PPM1A: variants seen among roughly 807,000 people sequenced by gnomAD.
PPM1A encodes protein phosphatase 1A.
PPM1A carries 7 observed loss-of-function variants against 35.0 expected under a neutral mutation model. That is an observed-to-expected ratio of 0.20 (90% CI 0.11 to 0.38). PPM1A has a LOEUF of 0.38. Among genes scored for constraint, PPM1A ranks in the 10% least tolerant of loss-of-function variants. PPM1A has a pLI of 1.00. For missense variants in PPM1A, 239 were observed against 467.8 expected, an observed-to-expected ratio of 0.51 and a Z score of 4.51; for synonymous variants, 153 against 167.3, an observed-to-expected ratio of 0.91 and a Z score of 0.66.
intron 1 of PPM1A, among the ~76,000 whole-genome samples, chr14:60,259,923 A>G (rs1468947740): frequency 6.6e-6 from 1 of 152,082 alleles, no homozygotes; most frequent in Admixed American, 6.5e-5. Context: ...CTTATGGATT[A>G]TGTACTTCAG....
At chr14:60,261,355 T>C (rs1883723171) in intron 1 of PPM1A, among the ~76,000 whole-genome samples, 1 of 152,210 alleles carries the variant, frequency 6.6e-6, no homozygotes, top group Admixed American at 6.5e-5. Flanking sequence ...AAAGATGTTA[T>C]AAAACATAGG....
At chr14:60,288,194 C>T (rs1237902538) in intron 3 of PPM1A, 18 of 984,048 alleles carry the variant, frequency 1.8e-5, no homozygotes, top group East Asian at 1.1e-4. Flanking sequence ...TATTTTTTTA[C>T]AAGAATTTGT....
At chr14:60,262,781 T>C (rs981088890) in intron 1 of PPM1A, among the ~76,000 whole-genome samples, 3 of 152,210 alleles carry the variant, frequency 2.0e-5, no homozygotes, top group African/African-American at 7.2e-5. Context: ...ATAGAAAATA[T>C]GAGAACAGAA....
At chr14:60,268,435 G>T (rs987420928) in intron 1 of PPM1A, 1 of 957,388 alleles carries the variant, frequency 1.0e-6, no homozygotes, top group African/African-American at 1.8e-5. Flanking sequence ...CTATTTGTGA[G>T]GTGAGTATAG....
At chr14:60,276,253 A>G (rs997450831) in intron 1 of PPM1A, among the ~76,000 whole-genome samples, 1 of 152,306 alleles carries the variant, frequency 6.6e-6, no homozygotes, top group East Asian at 1.9e-4. Flanking sequence ...GAATATTGCC[A>G]TATTATCCAC....
At position 60,285,692 on chromosome 14, in the gene PPM1A, A is replaced by G. The variant is rs776727543; in HGVS notation, c.903A>G (p.Ala301=). ...FPNAPKVSPE[A]VKKEAELDKY... Reference sequence around the variant, plus strand: ...ATGCACCCAAAGTATCGCCAGAAGCAGTGAAGAAGGAGGCAGAGTTGGACA... The same window carrying G: ...ATGCACCCAAAGTATCGCCAGAAGCGGTGAAGAAGGAGGCAGAGTTGGACA... The change falls in exon 3 of 6, where the codon GCA becomes GCG. Residue 301 remains alanine, a synonymous_variant. Coordinates refer to ENST00000395076, the MANE Select transcript of PPM1A (RefSeq NM_021003.5). The G allele has an allele frequency of 6.2e-7, 1 of 1,614,146 alleles. No homozygotes were observed. Among genetic ancestry groups the G allele is most frequent in the South Asian group, 1.1e-5 (1 of 91,066 alleles).
At chr14:60,251,344 AAT>A (rs1882393254) in intron 1 of PPM1A, among the ~76,000 whole-genome samples, 1 of 152,258 alleles carries the variant, frequency 6.6e-6, no homozygotes, top group African/African-American at 2.4e-5. Context: ...TTTGAGAAAT[AAT>A]AGTCATCAAA....
intron 3 of PPM1A, chr14:60,286,170 A>G (rs773523633): frequency 1.5e-5 from 15 of 985,602 alleles, no homozygotes; most frequent in African/African-American, 1.0e-4. Flanking sequence ...CCTTTTTTCA[A>G]TAACTTGAAA....
chr14:60,248,247 C>T (rs1355395246), upstream of PPM1A, among the ~76,000 whole-genome samples: 1 of 152,204 alleles, frequency 6.6e-6, no homozygotes, highest in African/African-American at 2.4e-5. Context: ...AACTTTAGCT[C>T]ATCTCTACCT....
intron 1 of PPM1A, among the ~76,000 whole-genome samples, chr14:60,265,894 G>T (rs539227118): frequency 1.3e-5 from 2 of 152,166 alleles, no homozygotes; most frequent in African/African-American, 2.4e-5. Flanking sequence ...GGACTCACTG[G>T]TTATTACTGT....
At position 60,249,254 on chromosome 14, in the gene PPM1A, G is replaced by A. The variant is rs1276659887; in HGVS notation, c.-444G>A. 3 of 987,200 alleles carry A rather than the reference G, an allele frequency of 3.0e-6. No individual in the cohort carries two copies. Among genetic ancestry groups the A allele is most frequent in the Non-Finnish European group, 3.6e-6 (3 of 831,660 alleles). The allele number at this position is 987,200 out of a possible 1,614,324, so 61.2% of individuals were successfully genotyped here. A position where few individuals can be genotyped will look rare whatever the true frequency, so the allele number is the denominator to read the frequency against. ...CGGCGGCGGCGGTGGCGGCGCTAGG[G>A]ACGGGAGCGCGCGCGGGAGCTAGAG... is the stretch of plus-strand genomic sequence containing the variant. On this transcript the variant is annotated 5_prime_UTR_variant, in exon 1 of 6. Transcript: ENST00000395076. The surrounding 1 kb of genome is among the most constrained non-coding windows in gnomAD (Gnocchi z 4.5).
At chr14:60,276,436 T>A (rs191940685) in intron 1 of PPM1A, among the ~76,000 whole-genome samples, 123 of 152,312 alleles carry the variant, frequency 8.1e-4, no homozygotes, top group Middle Eastern at 3.4e-3. Flanking sequence ...AAACCTATTA[T>A]CTCAGTGGTC....
Position 60,288,806 on chromosome 14 carries a change from T to C in PPM1A, c.953-1000T>C, listed in dbSNP as rs78405406. ...GATTTCTTGCCCCACTAATGACAAA[T>C]AAAATACCATTTCTTACCATAAACA... On this transcript the variant is annotated intron_variant, in intron 3 of 5. Transcript: ENST00000395076. Among the ~76,000 whole-genome samples the C allele has an allele frequency of 1.9e-3, 290 of 152,154 alleles. 1 individual carries two copies. Among genetic ancestry groups the C allele is most frequent in the African/African-American group, 6.6e-3 (273 of 41,550 alleles).
chr14:60,254,822 A>G (rs1235298166), intron 1 of PPM1A, among the ~76,000 whole-genome samples: 1 of 152,158 alleles, frequency 6.6e-6, no homozygotes, highest in African/African-American at 2.4e-5. Context: ...TTCTCTCAGT[A>G]TACTTCAGTG....
At chr14:60,279,121 C>G (rs986626336) in intron 1 of PPM1A, among the ~76,000 whole-genome samples, 1 of 152,106 alleles carries the variant, frequency 6.6e-6, no homozygotes, top group East Asian at 1.9e-4. Context: ...CTATTTTGTT[C>G]TGTTTTGTTT....
chr14:60,295,640 T>C lies in PPM1A; in HGVS notation c.*3158T>C, dbSNP rs1888000289. 1 of 151,698 alleles carries C rather than the reference T, an allele frequency of 6.6e-6. No homozygotes were observed. The highest frequency in any genetic ancestry group is 2.4e-5 in the African/African-American group (1 of 41,396). The allele number at this position is 151,698 out of a possible 1,614,324, so 9.4% of individuals were successfully genotyped here. On this transcript the variant is annotated 3_prime_UTR_variant, in exon 6 of 6. Transcript: ENST00000395076. ...GTTTCGAGTATTATTGGTAAAACAC[T>C]GTTCTAGGCTAAGCACATTGGGACT...
rs899249318 is a variant in PPM1A at position 60,298,465 on chromosome 14, TAACA to T, written c.*5987_*5990del. On this transcript the variant is annotated 3_prime_UTR_variant, in exon 6 of 6. Coordinates refer to ENST00000395076, the MANE Select transcript of PPM1A (RefSeq NM_021003.5). ...TTTCTAAAATATAATAAGTACAATG[TAACA>T]AACGTATAGAATTTTGCATTTGTTG... The T allele has an allele frequency of 7.9e-5, 12 of 151,906 alleles. No individual in the cohort carries two copies. Among genetic ancestry groups the T allele is most frequent in the South Asian group, 2.1e-4 (1 of 4,830 alleles). 9.4% of individuals were successfully genotyped at this position (151,906 alleles called of 1,614,324 possible).
rs1882032261 is a variant in PPM1A, at chr14:60,249,345, G to A, written c.-353G>A. The stretch of plus-strand genomic sequence containing the variant: ...CCTCAGGCGGCTGTTGCTCCGGAAC[G>A]GGTGGTTGGGGAGGGGGGGGTGGGG... On this transcript the variant is annotated 5_prime_UTR_variant, in exon 1 of 6. Coordinates refer to ENST00000395076, the MANE Select transcript of PPM1A (RefSeq NM_021003.5). The surrounding 1 kb of genome is among the most constrained non-coding windows in gnomAD (Gnocchi z 4.5). 7 of 983,868 alleles carry A rather than the reference G, an allele frequency of 7.1e-6. No homozygotes were observed. Among genetic ancestry groups the A allele is most frequent in the African/African-American group, 1.8e-5 (1 of 56,910 alleles). 60.9% of individuals were successfully genotyped at this position (983,868 alleles called of 1,614,324 possible).
chr14:60,279,700 G>GC (rs951314132), intron 1 of PPM1A, among the ~76,000 whole-genome samples: 3 of 152,128 alleles, frequency 2.0e-5, no homozygotes, highest in African/African-American at 7.2e-5. Flanking sequence ...TCTTGATATT[G>GC]CCAGATGGAT....
Sources: allele counts gnomAD v4.1 joint callset (sites outside exome capture counted in the v4.1 genomes callset), GRCh38; gene constraint gnomAD v4.1.1; non-coding constraint Gnocchi (gnomAD v3.1); transcripts MANE v1.5; gene names NCBI Gene and HGNC (gene_info 2026-07-23, HGNC 2026-07-21).